PTPRD: variants seen among roughly 807,000 people sequenced by gnomAD.
The protein encoded by PTPRD is receptor-type tyrosine-protein phosphatase delta.
A neutral mutation model predicts 214.5 loss-of-function variants in PTPRD; 34 were observed. The ratio of observed to expected loss-of-function variants is 0.16; its 90% CI spans 0.12 to 0.21. The LOEUF (loss-of-function observed/expected upper bound fraction) is 0.21. Among genes scored for constraint, PTPRD ranks in the 10% least tolerant of loss-of-function variants. The pLI is 1.00. For synonymous variants in PTPRD, 1,128 were observed against 845.7 expected (o/e 1.33, Z -5.79); for missense variants, 2,545 against 2,398.7 (o/e 1.06, Z -1.27).
intron 2 of PTPRD, among the ~76,000 whole-genome samples, chr9:10,491,047 C>G (rs1056854179): frequency 7.9e-5 from 12 of 152,060 alleles, no homozygotes; most frequent in Admixed American, 5.2e-4. Context: ...ACATTCCCAC[C>G]AGATTGCAAG....
chr9:8,886,762 A>ACC (rs2098492954), intron 11 of PTPRD, among the ~76,000 whole-genome samples: 2 of 152,174 alleles, frequency 1.3e-5, no homozygotes, highest in Non-Finnish European at 2.9e-5. Flanking sequence ...ACCGTGCAAT[A>ACC]GTGTTTGTTG....
chr9:9,978,460 G>GA (rs2095433650), intron 4 of PTPRD, among the ~76,000 whole-genome samples: 2 of 151,554 alleles, frequency 1.3e-5, no homozygotes, highest in South Asian at 2.1e-4. Context: ...TCTAGCTAAG[G>GA]AAAAAAATAA....
At chr9:9,598,821 G>A (rs1048603136) in intron 7 of PTPRD, among the ~76,000 whole-genome samples, 2 of 151,932 alleles carry the variant, frequency 1.3e-5, no homozygotes, top group African/African-American at 2.4e-5. Context: ...AGGTGGACTT[G>A]AGTTTGAATT....
chr9:9,157,563 T>C (rs769687643), intron 10 of PTPRD, among the ~76,000 whole-genome samples: 1 of 152,076 alleles, frequency 6.6e-6, no homozygotes, highest in African/African-American at 2.4e-5. Context: ...CAAGATTGAA[T>C]TATGAATCAA....
At chr9:10,141,336 G>C (rs1211546118) in intron 3 of PTPRD, among the ~76,000 whole-genome samples, 1 of 152,126 alleles carries the variant, frequency 6.6e-6, no homozygotes, top group Non-Finnish European at 1.5e-5. Context: ...CGACATGATT[G>C]TATATCTAGA....
At chr9:8,757,276 A>T (rs12345801) in intron 11 of PTPRD, among the ~76,000 whole-genome samples, 7,695 of 152,296 alleles carry the variant, frequency 0.051, 483 homozygotes, top group African/African-American at 0.15. Flanking sequence ...CTGAAAATAT[A>T]GGGAATGTGA....
At chr9:10,588,426 G>GTA (rs2074492637) in intron 2 of PTPRD, among the ~76,000 whole-genome samples, 1 of 47,858 alleles carries the variant, frequency 2.1e-5, no homozygotes, top group Non-Finnish European at 4.6e-5. Context: ...TTGGCTTATT[G>GTA]TACACACACA....
intron 39 of PTPRD, among the ~76,000 whole-genome samples, chr9:8,364,499 C>G (rs954920904): frequency 8.5e-5 from 13 of 152,204 alleles, no homozygotes; most frequent in African/African-American, 2.9e-4. Flanking sequence ...GCCTCCCAAG[C>G]ATATCGACAC....
intron 3 of PTPRD, among the ~76,000 whole-genome samples, chr9:10,215,137 C>T (rs1053197308): frequency 6.6e-6 from 1 of 151,532 alleles, no homozygotes; most frequent in Non-Finnish European, 1.5e-5. Flanking sequence ...ATACTATTAT[C>T]GACAAAAATT....
chr9:8,773,189 T>C (rs1160554683), intron 11 of PTPRD, among the ~76,000 whole-genome samples: 3 of 152,136 alleles, frequency 2.0e-5, no homozygotes, highest in Non-Finnish European at 4.4e-5. Flanking sequence ...GGTAGTTTGT[T>C]CACATGCATT....
chr9:9,244,720 G>A (rs2099972172), intron 9 of PTPRD, among the ~76,000 whole-genome samples: 1 of 151,984 alleles, frequency 6.6e-6, no homozygotes, highest in African/African-American at 2.4e-5. Context: ...CAGGACATAG[G>A]CATGGGCAAG....
intron 2 of PTPRD, among the ~76,000 whole-genome samples, chr9:10,389,447 T>C (rs1185502306): frequency 6.6e-6 from 1 of 151,882 alleles, no homozygotes; most frequent in African/African-American, 2.4e-5. Context: ...TTTACACTGG[T>C]CAATGCCAGC....
At chr9:9,613,404 A>G (rs971864848) in intron 7 of PTPRD, among the ~76,000 whole-genome samples, 8 of 151,870 alleles carry the variant, frequency 5.3e-5, no homozygotes, top group African/African-American at 1.7e-4. Flanking sequence ...TGCCTTCACG[A>G]TCATTGTCCC....
chr9:9,423,727 T>G (rs1002376541), intron 8 of PTPRD, among the ~76,000 whole-genome samples: 2 of 152,166 alleles, frequency 1.3e-5, no homozygotes, highest in African/African-American at 4.8e-5. Flanking sequence ...AAAACTGCAG[T>G]AACTATAATT....
intron 11 of PTPRD, among the ~76,000 whole-genome samples, chr9:8,987,979 G>A (rs908328795): frequency 6.6e-6 from 1 of 151,936 alleles, no homozygotes; most frequent in Non-Finnish European, 1.5e-5. Flanking sequence ...AGCAATAATG[G>A]TAGAAATATG....
intron 14 of PTPRD, among the ~76,000 whole-genome samples, chr9:8,597,244 G>C (rs1025083814): frequency 3.3e-5 from 5 of 152,032 alleles, no homozygotes; most frequent in Admixed American, 6.5e-5. Flanking sequence ...AGGGATTCTA[G>C]TTAATAGCCT....
intron 3 of PTPRD, among the ~76,000 whole-genome samples, chr9:10,077,483 G>T: frequency 6.6e-6 from 1 of 152,058 alleles, no homozygotes; most frequent in South Asian, 2.1e-4. Flanking sequence ...CACTGTGTTT[G>T]GAGTATTTAT....
At chr9:9,666,262 G>C (rs2096719892) in intron 7 of PTPRD, among the ~76,000 whole-genome samples, 1 of 151,884 alleles carries the variant, frequency 6.6e-6, no homozygotes, top group African/African-American at 2.4e-5. Context: ...CTGGTATCCT[G>C]TACAGTAATT....
intron 10 of PTPRD, among the ~76,000 whole-genome samples, chr9:9,052,157 C>T (rs571374276): frequency 2.0e-4 from 30 of 152,286 alleles, no homozygotes; most frequent in African/African-American, 7.0e-4. Flanking sequence ...TCTCGCTGTG[C>T]TCCCACATGG....
Sources: gnomAD v4.1 joint callset for allele counts (sites outside exome capture counted in the v4.1 genomes callset) on GRCh38, gnomAD v4.1.1 for gene constraint, MANE v1.5 for transcripts, NCBI Gene and HGNC (gene_info 2026-07-23, HGNC 2026-07-21) for gene names.